Variants in SMC6 observed in about 807,000 individuals in gnomAD.
The protein encoded by SMC6 is structural maintenance of chromosomes 6, also known as structural maintenance of chromosomes protein 6.
SMC6 carries 79 observed loss-of-function variants against 142.2 expected under a neutral mutation model. The ratio of observed to expected loss-of-function variants is 0.56; its 90% CI spans 0.46 to 0.67. SMC6 has a LOEUF of 0.67. Ranked by LOEUF, SMC6 falls within the 30% of genes least tolerant of loss-of-function variation. SMC6 has a pLI of 0.00. For missense variants in SMC6, 1,072 were observed against 1,284.0 expected, an observed-to-expected ratio of 0.83 and a Z score of 2.52; for synonymous variants, 411 against 412.4, an observed-to-expected ratio of 1.00 and a Z score of 0.04.
chr2:17,708,087 TAC>T (rs1379618002), intron 17 of SMC6, among the ~76,000 whole-genome samples: 4 of 151,978 alleles, frequency 2.6e-5, no homozygotes, highest in Non-Finnish European at 5.9e-5. Flanking sequence ...TTGTCTTGAT[TAC>T]AGATTTGTTT....
chr2:17,726,577 A>G (rs1310579828), intron 7 of SMC6, 108 bp from the exon 8 acceptor site: 1 of 760,822 alleles, frequency 1.3e-6, no homozygotes, highest in Non-Finnish European at 2.2e-6. Context: ...CAGGAAGGCC[A>G]AGCAATAGCC....
intron 25 of SMC6, among the ~76,000 whole-genome samples, chr2:17,673,532 CTT>C (rs1278085638): frequency 2.0e-5 from 3 of 150,728 alleles, no homozygotes; most frequent in African/African-American, 4.9e-5. Context: ...GGGGGTCAAA[CTT>C]TGCTTACTGT....
At chr2:17,665,957 G>A (rs954012756) in intron 27 of SMC6, among the ~76,000 whole-genome samples, 1 of 152,074 alleles carries the variant, frequency 6.6e-6, no homozygotes, top group Non-Finnish European at 1.5e-5. Context: ...TAATCACATG[G>A]CCACTTTAGA....
intron 3 of SMC6, 86 bp downstream of exon 3, chr2:17,745,741 T>C: frequency 2.2e-6 from 3 of 1,369,874 alleles, no homozygotes; most frequent in Non-Finnish European, 2.9e-6. Context: ...TACTTTTTCT[T>C]GATTTTAAGT....
Position 17,714,910 on chromosome 2 carries a change from G to C in SMC6, c.1681C>G (p.Pro561Ala). 1 of 1,613,292 alleles carries C rather than the reference G, an allele frequency of 6.2e-7. No homozygotes were observed. The highest frequency in any genetic ancestry group is 8.5e-7 in the Non-Finnish European group (1 of 1,179,764). Residue 561 changes from proline to alanine, a missense_variant, in exon 16 of 28, where the codon CCG (proline) becomes GCG (alanine). By Grantham distance (27) the Pro-to-Ala change is conservative. Coordinates refer to ENST00000448223, the MANE Select transcript of SMC6 (RefSeq NM_001142286.2). ...TTCCGAAACTCAGAAACTATTATCG[G>C]TGGCCGTGAGGTCCCTGGTAAATAA... ...RFYLPGTSRP[P>A]IIVSEFRNEI... is the part of the protein sequence containing the mutation.
intron 6 of SMC6, 146 bp downstream of exon 6, chr2:17,731,595 C>A: frequency 1.4e-6 from 1 of 710,946 alleles, no homozygotes; most frequent in Non-Finnish European, 2.3e-6. Context: ...GTAACATATG[C>A]ACGTGTGTGT....
At chr2:17,690,309 T>C (rs1667644513) in intron 23 of SMC6, among the ~76,000 whole-genome samples, 1 of 152,160 alleles carries the variant, frequency 6.6e-6, no homozygotes, top group African/African-American at 2.4e-5. Context: ...AACAACTGCC[T>C]GTGGCCAGGT....
chr2:17,714,224 T>C (rs1668969575), intron 16 of SMC6, among the ~76,000 whole-genome samples: 1 of 151,876 alleles, frequency 6.6e-6, no homozygotes, highest in Non-Finnish European at 1.5e-5. Flanking sequence ...GCCTTCCAAG[T>C]AGCTGGGACC....
intron 16 of SMC6, among the ~76,000 whole-genome samples, chr2:17,712,253 G>T (rs1379908016): frequency 6.6e-6 from 1 of 152,190 alleles, no homozygotes; most frequent in Admixed American, 6.5e-5. Flanking sequence ...GTCTCCCCTA[G>T]GAGAGGTGTA....
chr2:17,735,683 T>C (rs1165217389), intron 5 of SMC6, among the ~76,000 whole-genome samples: 1 of 152,224 alleles, frequency 6.6e-6, no homozygotes, highest in Non-Finnish European at 1.5e-5. Context: ...CTTGGGTCAC[T>C]GAGAAAGGTT....
chr2:17,665,472 T>A lies in SMC6; in HGVS notation c.*27A>T. 6.6e-7 allele frequency: 1 copy of A among 1,519,352 alleles called. No homozygotes were observed. Among genetic ancestry groups the A allele is most frequent in the Non-Finnish European group, 9.0e-7 (1 of 1,108,316 alleles). The allele number at this position is 1,519,352 out of a possible 1,614,324, so 94.1% of individuals were successfully genotyped here. On this transcript the variant is annotated 3_prime_UTR_variant, in exon 28 of 28. Coordinates refer to ENST00000448223, the MANE Select transcript of SMC6 (RefSeq NM_001142286.2). The stretch of plus-strand genomic sequence containing the variant: ...TTTTCCCTTCACAAATCCTTCAACA[T>A]CAGGACAAGGCATGTTAAGTTACAA...
chr2:17,734,462 T>C (rs1670049576), intron 5 of SMC6, among the ~76,000 whole-genome samples: 1 of 151,444 alleles, frequency 6.6e-6, no homozygotes, highest in Admixed American at 6.6e-5. Context: ...CACTGAAGTA[T>C]GAGGGGAAGG....
At chr2:17,735,584 G>C (rs2125057043) in intron 5 of SMC6, among the ~76,000 whole-genome samples, 1 of 152,284 alleles carries the variant, frequency 6.6e-6, no homozygotes, top group East Asian at 1.9e-4. Context: ...AGACCCCAAG[G>C]CTACCAGGGT....
intron 23 of SMC6, 115 bp downstream of exon 23, chr2:17,695,037 C>T (rs1667925665): frequency 1.8e-6 from 2 of 1,142,268 alleles, no homozygotes; most frequent in Non-Finnish European, 2.6e-6. Flanking sequence ...TCAGCTATAA[C>T]TATTTGCTAT....
chr2:17,667,782 G>A (rs945872625), intron 26 of SMC6, among the ~76,000 whole-genome samples: 1 of 152,130 alleles, frequency 6.6e-6, no homozygotes, highest in Non-Finnish European at 1.5e-5. Flanking sequence ...TCCAGGAGGC[G>A]GAGGTCGCAG....
intron 25 of SMC6, among the ~76,000 whole-genome samples, chr2:17,674,621 G>A (rs1274632371): frequency 6.6e-6 from 1 of 152,000 alleles, no homozygotes; most frequent in Non-Finnish European, 1.5e-5. Flanking sequence ...ATCCATTATT[G>A]AGAAAAGTTT....
rs757005662 is a variant in SMC6 at position 17,678,885 on chromosome 2, G to A, written c.2884C>T (p.His962Tyr). The change falls in exon 25 of 28, where the codon CAC (histidine) becomes TAC (tyrosine). Residue 962 changes from histidine (H) to tyrosine (Y), a missense_variant. By Grantham distance (83) the His-to-Tyr change is moderately conservative. Coordinates refer to ENST00000448223, the MANE Select transcript of SMC6 (RefSeq NM_001142286.2). ...GATATACTTAGAGTTTCATTCTTGTGGTCAAAATTCATTTTTCCACAATAG... is the reference window on the plus strand; with the variant it reads ...GATATACTTAGAGTTTCATTCTTGTAGTCAAAATTCATTTTTCCACAATAG... ...RAYCGKMNFD[H>Y]KNETLSISVQ... is the part of the protein sequence containing the mutation. 1 of 1,609,898 alleles carries A rather than the reference G, an allele frequency of 6.2e-7. No homozygotes were observed. The highest frequency in any genetic ancestry group is 8.5e-7 in the Non-Finnish European group (1 of 1,177,238).
intron 9 of SMC6, among the ~76,000 whole-genome samples, chr2:17,724,870 T>C (rs1669538374): frequency 6.6e-6 from 1 of 152,218 alleles, no homozygotes. Context: ...AAAAACAGCT[T>C]GAAGCTTGTG....
At chr2:17,693,856 C>T (rs1271115602) in intron 23 of SMC6, among the ~76,000 whole-genome samples, 1 of 151,440 alleles carries the variant, frequency 6.6e-6, no homozygotes, top group Non-Finnish European at 1.5e-5. Context: ...ATTAGATGGG[C>T]GTCGTGGCAT....
Sources: gnomAD v4.1 joint callset for allele counts (sites outside exome capture counted in the v4.1 genomes callset) on GRCh38, gnomAD v4.1.1 for gene constraint, MANE v1.5 for transcripts, NCBI Gene and HGNC (gene_info 2026-07-23, HGNC 2026-07-21) for gene names.